PHACTR1: variants seen among roughly 807,000 people sequenced by gnomAD.
PHACTR1 encodes the protein RPEL repeat containing 1.
In PHACTR1, 16 loss-of-function variants were observed where a neutral mutation model predicts 69.2. The ratio of observed to expected loss-of-function variants is 0.23; its 90% CI spans 0.16 to 0.35. The LOEUF is 0.35. Ranked by LOEUF, PHACTR1 falls within the 10% of genes least tolerant of loss-of-function variation. The probability of loss-of-function intolerance (pLI) is 1.00; values close to 1 mark genes in which losing one functional copy is unlikely to be tolerated. For synonymous variants in PHACTR1, 312 were observed against 284.5 expected (o/e 1.10, Z -0.97); for missense variants, 510 against 734.7 (o/e 0.69, Z 3.54).
At chr6:13,140,110 C>A (rs1488801714) in intron 5 of PHACTR1, among the ~76,000 whole-genome samples, 1 of 152,116 alleles carries the variant, frequency 6.6e-6, no homozygotes, top group African/African-American at 2.4e-5. Context: ...CTTCATATCC[C>A]TAGGATGGTT....
At chr6:13,218,231 C>CTG (rs1767975197) in intron 8 of PHACTR1, among the ~76,000 whole-genome samples, 1 of 152,078 alleles carries the variant, frequency 6.6e-6, no homozygotes, top group Non-Finnish European at 1.5e-5. Flanking sequence ...ATTTTATGAC[C>CTG]TGCCCTTGAT....
intron 4 of PHACTR1, among the ~76,000 whole-genome samples, chr6:12,938,036 G>T (rs995421412): frequency 1.3e-5 from 2 of 152,036 alleles, no homozygotes; most frequent in African/African-American, 4.8e-5. Context: ...GGAGGTGGAG[G>T]TTGCAGTGGG....
chr6:12,877,345 A>G (rs1252800979), intron 4 of PHACTR1, among the ~76,000 whole-genome samples: 1 of 152,218 alleles, frequency 6.6e-6, no homozygotes, highest in Admixed American at 6.5e-5. Flanking sequence ...GAAGGTCAGT[A>G]TATGATCAAC....
chr6:12,948,997 G>T (rs868468141), intron 4 of PHACTR1, among the ~76,000 whole-genome samples: 1 of 152,124 alleles, frequency 6.6e-6, no homozygotes, highest in African/African-American at 2.4e-5. Flanking sequence ...TGGGCCAGGC[G>T]CAATGGCTCA....
At chr6:13,278,439 CTGTGTCAGAGA>C in intron 12 of PHACTR1, 110 bp downstream of exon 12, 1 of 953,008 alleles carries the variant, frequency 1.0e-6, no homozygotes, top group Non-Finnish European at 1.6e-6. Context: ...TCCTCTCCTC[CTGTGTCAGAGA>C]GTGCCACTCT....
chr6:12,946,805 A>ATTTTTTTT (rs11412388), intron 4 of PHACTR1, among the ~76,000 whole-genome samples: 3 of 85,218 alleles, frequency 3.5e-5, no homozygotes, highest in Admixed American at 1.5e-4. Flanking sequence ...ATGGTGCTGG[A>ATTTTTTTT]TTTTTTTTTT....
chr6:13,044,954 T>C (rs1361078961), intron 4 of PHACTR1, among the ~76,000 whole-genome samples: 2 of 152,182 alleles, frequency 1.3e-5, no homozygotes, highest in Non-Finnish European at 2.9e-5. Context: ...TGACATTTTA[T>C]GGTAAGACAG....
chr6:12,749,680 T>G lies in PHACTR1; in HGVS notation c.140T>G (p.Met47Arg), dbSNP rs1766321702. 1 of 1,609,764 alleles carries G rather than the reference T, an allele frequency of 6.2e-7. No homozygotes were observed. The highest frequency in any genetic ancestry group is 8.5e-7 in the Non-Finnish European group (1 of 1,178,296). ...ACCCTGCTCCTGCCTCCCACATTAA[T>G]GGCGGCATCCTCGGAGGATGATATA... ...RATLLLPPTL[M>R]AASSEDDIDR... The change falls in exon 4 of 15, where the codon ATG becomes AGG. Residue 47 changes from methionine to arginine, a missense_variant. Met to Arg is a moderately conservative substitution (Grantham distance 91). Transcript: ENST00000332995.
intron 4 of PHACTR1, among the ~76,000 whole-genome samples, chr6:12,864,858 A>G (rs1488782127): frequency 6.6e-6 from 1 of 152,196 alleles, no homozygotes; most frequent in Non-Finnish European, 1.5e-5. Flanking sequence ...AGTAGCTTAA[A>G]GGATTTCATG....
chr6:13,255,559 A>T (rs1234690134), intron 10 of PHACTR1, among the ~76,000 whole-genome samples: 3 of 152,222 alleles, frequency 2.0e-5, no homozygotes, highest in African/African-American at 7.2e-5. Flanking sequence ...ATCAAAAACA[A>T]GTTAGTTATT....
At position 13,257,555 on chromosome 6, in the gene PHACTR1, T is replaced by C. The variant is rs550780900; in HGVS notation, c.1392-15305T>C. Among the ~76,000 whole-genome samples, 35 of 152,334 alleles carry C rather than the reference T, an allele frequency of 2.3e-4. 1 individual carries two copies. In the South Asian group the frequency reaches 7.0e-3, roughly 31 times the overall value. On this transcript the variant is annotated intron_variant, in intron 10 of 14. Transcript: ENST00000332995. ...ATAAAATAAATAAAGGTTAAACCCA[T>C]TGGTCTAAATCACAGCTCTTGACTC...
At chr6:13,084,489 G>A (rs1049708698) in intron 5 of PHACTR1, among the ~76,000 whole-genome samples, 6 of 151,114 alleles carry the variant, frequency 4.0e-5, no homozygotes, top group South Asian at 2.1e-4. Context: ...AAACCTGCAC[G>A]TTGTACACAT....
chr6:12,824,433 G>T (rs1375126674), intron 4 of PHACTR1, among the ~76,000 whole-genome samples: 1 of 152,178 alleles, frequency 6.6e-6, no homozygotes, highest in African/African-American at 2.4e-5. Context: ...TGGAAAAATT[G>T]TCTTCCACGA....
intron 4 of PHACTR1, among the ~76,000 whole-genome samples, chr6:12,955,439 G>T (rs1046111943): frequency 1.3e-5 from 2 of 151,874 alleles, no homozygotes; most frequent in Admixed American, 6.6e-5. Flanking sequence ...TCCTATTCTC[G>T]CCTGGCCTCC....
intron 3 of PHACTR1, among the ~76,000 whole-genome samples, chr6:12,735,843 G>A (rs929389067): frequency 3.9e-5 from 6 of 152,128 alleles, no homozygotes; most frequent in Non-Finnish European, 7.4e-5. Flanking sequence ...ATGTATCCCT[G>A]AAGCTGTGCA....
chr6:12,732,470 T>C (rs1187650790), intron 3 of PHACTR1, among the ~76,000 whole-genome samples: 6 of 152,122 alleles, frequency 3.9e-5, no homozygotes, highest in Admixed American at 3.9e-4. Flanking sequence ...CTAAGTTCCC[T>C]TCCCTCACCC....
At chr6:12,921,238 A>G (rs1051716866) in intron 4 of PHACTR1, among the ~76,000 whole-genome samples, 92 of 152,200 alleles carry the variant, frequency 6.0e-4, no homozygotes, top group Non-Finnish European at 2.6e-4. Context: ...TTTTTAGATC[A>G]GGTCCAAAGT....
At position 13,131,621 on chromosome 6, in the gene PHACTR1, ATAAGT is replaced by A. The variant is rs567120495; in HGVS notation, c.416-28578_416-28574del. On this transcript the variant is annotated intron_variant, in intron 5 of 14. Transcript: ENST00000332995. Reference sequence around the variant, plus strand: ...AATAAAAAAATTTCTGTAACTCTCAATAAGTTAAGAGCAATGTTTATTTTTAAATT... The same window carrying A: ...AATAAAAAAATTTCTGTAACTCTCAATAAGAGCAATGTTTATTTTTAAATT... 1.7e-3 allele frequency among the ~76,000 whole-genome samples: 264 copies of A among 152,344 alleles called. 1 individual carries two copies. Among genetic ancestry groups the A allele is most frequent in the African/African-American group, 6.3e-3 (264 of 41,582 alleles).
chr6:12,908,778 A>T (rs1786038302), intron 4 of PHACTR1, among the ~76,000 whole-genome samples: 1 of 152,214 alleles, frequency 6.6e-6, no homozygotes, highest in Non-Finnish European at 1.5e-5. Context: ...CCCAAGCGGT[A>T]GGAGGAACAG....
Sources: gnomAD v4.1 joint callset for allele counts (sites outside exome capture counted in the v4.1 genomes callset) on GRCh38, gnomAD v4.1.1 for gene constraint, MANE v1.5 for transcripts, NCBI Gene and HGNC (gene_info 2026-07-23, HGNC 2026-07-21) for gene names.